Variants in ADIPOR2 observed in about 807,000 individuals in gnomAD.
ADIPOR2 encodes the protein adiponectin receptor protein 2.
A neutral mutation model predicts 40.9 loss-of-function variants in ADIPOR2; 18 were observed. The observed-to-expected ratio is 0.44, with a 90% CI of 0.30 to 0.65. ADIPOR2 has a LOEUF of 0.65. Ranked by LOEUF, ADIPOR2 falls within the 30% of genes least tolerant of loss-of-function variation. The pLI is 0.09. For missense variants in ADIPOR2, 283 were observed against 479.2 expected, an observed-to-expected ratio of 0.59 and a Z score of 3.82; for synonymous variants, 165 against 166.4, an observed-to-expected ratio of 0.99 and a Z score of 0.06.
At chr12:1,728,204 C>T (rs1339593934) in intron 1 of ADIPOR2, among the ~76,000 whole-genome samples, 1 of 151,760 alleles carries the variant, frequency 6.6e-6, no homozygotes, top group Non-Finnish European at 1.5e-5. Flanking sequence ...CTTCCGCCTC[C>T]CGGTTTCAAG....
At position 1,765,130 on chromosome 12, in the gene ADIPOR2, A is replaced by G. The variant is rs898976528; in HGVS notation, c.172-7712A>G. ...AAAAATATTTAACAGACCTCACTACATGATACTCACATTTTAAATATTAGT... is the reference window on the plus strand; with the variant it reads ...AAAAATATTTAACAGACCTCACTACGTGATACTCACATTTTAAATATTAGT... On this transcript the variant is annotated intron_variant, in intron 2 of 7. Coordinates refer to ENST00000357103, the MANE Select transcript of ADIPOR2 (RefSeq NM_024551.3). 5.9e-5 allele frequency among the ~76,000 whole-genome samples: 9 copies of G among 152,172 alleles called. 1 individual carries two copies. The highest frequency in any genetic ancestry group is 2.6e-4 in the Admixed American group (4 of 15,276).
intron 1 of ADIPOR2, among the ~76,000 whole-genome samples, chr12:1,717,708 G>C (rs76465047): frequency 6.7e-6 from 1 of 148,646 alleles, no homozygotes; most frequent in Non-Finnish European, 1.5e-5. Context: ...TCCATCTTAA[G>C]GAAAAAAAAA....
intron 2 of ADIPOR2, among the ~76,000 whole-genome samples, chr12:1,758,587 A>G (rs1451939204): frequency 1.3e-5 from 2 of 152,198 alleles, no homozygotes; most frequent in East Asian, 1.9e-4. Context: ...TTCACGGTTA[A>G]TGTATACTAC....
rs781019809 is a variant in ADIPOR2, at chr12:1,777,849, G to A, written c.292-5G>A. ...CAAAGATGTTTGATAATACCTCTCTGCCAGGTATGGGAAGGTCGGTGGCGA... is the reference window on the plus strand; with the variant it reads ...CAAAGATGTTTGATAATACCTCTCTACCAGGTATGGGAAGGTCGGTGGCGA... On this transcript the variant is annotated splice_polypyrimidine_tract_variant and splice_region_variant and intron_variant, in intron 3 of 7. Transcript: ENST00000357103. 2 of 1,606,092 alleles carry A rather than the reference G, an allele frequency of 1.2e-6. No homozygotes were observed. The highest frequency in any genetic ancestry group is 4.5e-5 in the East Asian group (2 of 44,500).
At chr12:1,740,024 C>T (rs1179844762) in intron 1 of ADIPOR2, among the ~76,000 whole-genome samples, 1 of 152,110 alleles carries the variant, frequency 6.6e-6, no homozygotes, top group East Asian at 1.9e-4. Flanking sequence ...ATTGCTTGAA[C>T]CCGGGAGGCA....
At chr12:1,726,320 C>G (rs2094707901) in intron 1 of ADIPOR2, among the ~76,000 whole-genome samples, 1 of 152,148 alleles carries the variant, frequency 6.6e-6, no homozygotes, top group Non-Finnish European at 1.5e-5. Context: ...GCCTCACCCT[C>G]CTGAGTAGCT....
chr12:1,691,423 C>T (rs1353601242), intron 1 of ADIPOR2, among the ~76,000 whole-genome samples: 2 of 152,176 alleles, frequency 1.3e-5, no homozygotes, highest in African/African-American at 4.8e-5. Context: ...AGCCGCCCTC[C>T]TTGCGACCGC....
At chr12:1,768,260 C>T (rs1338295190) in intron 2 of ADIPOR2, among the ~76,000 whole-genome samples, 1 of 152,082 alleles carries the variant, frequency 6.6e-6, no homozygotes, top group Non-Finnish European at 1.5e-5. Flanking sequence ...ATTTAAATAC[C>T]TCATTTATGT....
At chr12:1,779,910 C>T (rs1862680330) in intron 4 of ADIPOR2, among the ~76,000 whole-genome samples, 1 of 152,100 alleles carries the variant, frequency 6.6e-6, no homozygotes, top group South Asian at 2.1e-4. Context: ...AGGAAATGGC[C>T]TGAGTAGGCA....
chr12:1,780,546 T>C lies in ADIPOR2; in HGVS notation c.559T>C (p.Phe187Leu). The change falls in exon 5 of 8, where the codon TTT becomes CTT. Residue 187 changes from phenylalanine to leucine, a missense_variant. By Grantham distance (22) the Phe-to-Leu change is conservative. Transcript: ENST00000357103. ...PLQEKVVFGLFFLGAILCLSF... is the reference protein window; with the variant it reads ...PLQEKVVFGLLFLGAILCLSF... ...GCAAGAGAAGGTGGTCTTTGGATTA[T>C]TTTTCTTAGGAGCCATTCTCTGCCT... 6.2e-7 allele frequency: 1 copy of C among 1,613,950 alleles called. No individual in the cohort carries two copies. The highest frequency in any genetic ancestry group is 8.5e-7 in the Non-Finnish European group (1 of 1,179,924).
intron 1 of ADIPOR2, among the ~76,000 whole-genome samples, chr12:1,736,609 C>G (rs1051020171): frequency 6.6e-6 from 1 of 151,826 alleles, no homozygotes; most frequent in Non-Finnish European, 1.5e-5. Context: ...TGTCTCTATC[C>G]CCTTCAGTTC....
chr12:1,772,760 A>G (rs572016033), intron 2 of ADIPOR2, 82 bp from the exon 3 acceptor site: 4 of 1,479,864 alleles, frequency 2.7e-6, no homozygotes, highest in East Asian at 4.7e-5. Flanking sequence ...GAATTTCATT[A>G]TAATTCCACA....
chr12:1,776,163 T>A (rs1330110008), intron 3 of ADIPOR2, among the ~76,000 whole-genome samples: 1 of 152,172 alleles, frequency 6.6e-6, no homozygotes. Context: ...AAATTGTTAG[T>A]CCTCACTTCC....
intron 1 of ADIPOR2, among the ~76,000 whole-genome samples, chr12:1,753,315 G>A (rs1339524895): frequency 6.6e-6 from 1 of 152,192 alleles, no homozygotes; most frequent in Non-Finnish European, 1.5e-5. Flanking sequence ...TACATATCAT[G>A]AGTTAAGAGG....
intron 1 of ADIPOR2, among the ~76,000 whole-genome samples, chr12:1,737,576 AGACT>A (rs535118464): frequency 1.8e-4 from 27 of 152,184 alleles, no homozygotes; most frequent in Non-Finnish European, 3.7e-4. Context: ...GTTGTCACAC[AGACT>A]GACTGTTTAT....
intron 1 of ADIPOR2, among the ~76,000 whole-genome samples, chr12:1,731,347 GA>G (rs1426624195): frequency 6.6e-6 from 1 of 152,124 alleles, no homozygotes; most frequent in East Asian, 1.9e-4. Flanking sequence ...TAAATTGTGG[GA>G]AAATACACGT....
chr12:1,701,211 C>T (rs2094649664), intron 1 of ADIPOR2, among the ~76,000 whole-genome samples: 2 of 149,750 alleles, frequency 1.3e-5, no homozygotes, highest in African/African-American at 4.9e-5. Flanking sequence ...CTCACTGCAG[C>T]CCATCTCCTT....
chr12:1,691,849 C>G (rs1279228774), intron 1 of ADIPOR2, among the ~76,000 whole-genome samples: 1 of 152,112 alleles, frequency 6.6e-6, no homozygotes, highest in South Asian at 2.1e-4. Context: ...CTCTTTTTTC[C>G]TCCTGGCTTT....
intron 1 of ADIPOR2, among the ~76,000 whole-genome samples, chr12:1,743,228 C>A (rs1395995781): frequency 3.7e-4 from 6 of 16,200 alleles, no homozygotes; most frequent in African/African-American, 8.0e-4. Flanking sequence ...CCCATCTCTA[C>A]CAAAAAAAAA....
Sources: gnomAD v4.1 joint callset for allele counts (sites outside exome capture counted in the v4.1 genomes callset) on GRCh38, gnomAD v4.1.1 for gene constraint, MANE v1.5 for transcripts, NCBI Gene and HGNC (gene_info 2026-07-23, HGNC 2026-07-21) for gene names.